The following FAM135B variants were observed in gnomAD, a reference collection of about 807,000 sequenced individuals.
FAM135B encodes protein FAM135B.
A neutral mutation model predicts 127.7 loss-of-function variants in FAM135B; 43 were observed. That is an observed-to-expected ratio of 0.34 (90% CI 0.26 to 0.43). FAM135B has a LOEUF of 0.43. Among genes scored for constraint, FAM135B ranks in the 20% least tolerant of loss-of-function variants. The pLI is 1.00. For synonymous variants in FAM135B, 670 were observed against 665.1 expected (o/e 1.01, Z -0.11); for missense variants, 1,558 against 1,725.6 (o/e 0.90, Z 1.72).
chr8:138,372,468 C>G (rs1379536775), intron 1 of FAM135B, among the ~76,000 whole-genome samples: 1 of 152,202 alleles, frequency 6.6e-6, no homozygotes, highest in East Asian at 1.9e-4. Flanking sequence ...CTGGAGAGAA[C>G]AGCCTATCTC....
chr8:138,318,688 G>A (rs920214446), intron 2 of FAM135B, among the ~76,000 whole-genome samples: 7 of 152,184 alleles, frequency 4.6e-5, no homozygotes, highest in African/African-American at 7.2e-5. Flanking sequence ...GTATAGCTAC[G>A]TCTCTTTTAT....
intron 11 of FAM135B, among the ~76,000 whole-genome samples, chr8:138,170,923 G>C (rs1820376720): frequency 6.6e-6 from 1 of 152,146 alleles, no homozygotes; most frequent in East Asian, 1.9e-4. Context: ...CTTGGGTCTG[G>C]AATGCTCTTC....
At chr8:138,258,052 C>T (rs373532023) in intron 4 of FAM135B, among the ~76,000 whole-genome samples, 7 of 152,128 alleles carry the variant, frequency 4.6e-5, no homozygotes, top group African/African-American at 1.7e-4. Context: ...GCTAAAAGCC[C>T]CTGGCTATTT....
At chr8:138,267,554 C>G (rs1437986842) in intron 3 of FAM135B, among the ~76,000 whole-genome samples, 1 of 144,154 alleles carries the variant, frequency 6.9e-6, no homozygotes, top group Non-Finnish European at 1.5e-5. Context: ...ATTAGTTTGA[C>G]TGAAATGGGA....
chr8:138,380,041 T>C (rs1831743252), intron 1 of FAM135B, among the ~76,000 whole-genome samples: 1 of 152,152 alleles, frequency 6.6e-6, no homozygotes, highest in Admixed American at 6.5e-5. Context: ...GAGCATTTCA[T>C]TTGCAGAACG....
intron 7 of FAM135B, among the ~76,000 whole-genome samples, chr8:138,210,311 T>C (rs1022670005): frequency 1.3e-5 from 2 of 152,200 alleles, no homozygotes; most frequent in Non-Finnish European, 2.9e-5. Flanking sequence ...GCTATGAGTC[T>C]CTTATTGTGA....
intron 13 of FAM135B, among the ~76,000 whole-genome samples, chr8:138,150,666 C>CAATAAATA (rs71316324): frequency 0.013 from 581 of 44,770 alleles, no homozygotes; most frequent in African/African-American, 0.033. Context: ...GACTCTGTCT[C>CAATAAATA]AATAAATAAA....
chr8:138,308,250 G>C (rs1826408411), intron 3 of FAM135B, among the ~76,000 whole-genome samples: 2 of 152,206 alleles, frequency 1.3e-5, no homozygotes, highest in Non-Finnish European at 2.9e-5. Context: ...TCCAACCAAG[G>C]GGTCAGACAC....
chr8:138,314,693 C>CAATAAAAAAATAAATAAATAAATA (rs1554662775), intron 2 of FAM135B, among the ~76,000 whole-genome samples: 77 of 120,296 alleles, frequency 6.4e-4, no homozygotes, highest in Non-Finnish European at 1.1e-3. Flanking sequence ...CCCATCCCTA[C>CAATAAAAAAATAAATAAATAAATA]AATAAATAAA....
intron 2 of FAM135B, among the ~76,000 whole-genome samples, chr8:138,329,771 A>G (rs1223264120): frequency 6.6e-6 from 1 of 152,170 alleles, no homozygotes; most frequent in East Asian, 1.9e-4. Context: ...CTGGTAAGCT[A>G]CTGCAACTTT....
intron 10 of FAM135B, among the ~76,000 whole-genome samples, chr8:138,177,817 T>C (rs1184121472): frequency 2.6e-5 from 4 of 152,246 alleles, no homozygotes; most frequent in Non-Finnish European, 5.9e-5. Context: ...GACTCTGATC[T>C]TCATATGTTT....
intron 7 of FAM135B, among the ~76,000 whole-genome samples, chr8:138,219,998 T>A (rs959964338): frequency 6.6e-6 from 1 of 151,960 alleles, no homozygotes; most frequent in Non-Finnish European, 1.5e-5. Flanking sequence ...ATTGTTCTTG[T>A]TAATATTATT....
At chr8:138,411,492 G>C (rs1000066047) in intron 1 of FAM135B, among the ~76,000 whole-genome samples, 2 of 152,004 alleles carry the variant, frequency 1.3e-5, no homozygotes, top group Admixed American at 1.3e-4. Context: ...AATTCAAGAT[G>C]GATTAAAGAC....
intron 12 of FAM135B, among the ~76,000 whole-genome samples, chr8:138,165,182 G>A (rs7830745): frequency 0.014 from 2,087 of 151,518 alleles, 38 homozygotes; most frequent in Middle Eastern, 0.058. Context: ...GTGCAATGGC[G>A]GGATCTAGGC....
At chr8:138,258,543 C>T (rs182751445) in intron 4 of FAM135B, among the ~76,000 whole-genome samples, 55 of 152,222 alleles carry the variant, frequency 3.6e-4, no homozygotes, top group African/African-American at 1.3e-3. Context: ...TTCCCAACTA[C>T]CTTCTGAGCA....
At chr8:138,486,490 A>G (rs1172858597) in intron 1 of FAM135B, among the ~76,000 whole-genome samples, 1 of 152,138 alleles carries the variant, frequency 6.6e-6, no homozygotes, top group Non-Finnish European at 1.5e-5. Context: ...TTTGGCTGCT[A>G]GCAGCCTGCA....
At chr8:138,220,751 G>C (rs1449479685) in intron 7 of FAM135B, among the ~76,000 whole-genome samples, 1 of 152,080 alleles carries the variant, frequency 6.6e-6, no homozygotes, top group Non-Finnish European at 1.5e-5. Flanking sequence ...TGTTCATATT[G>C]CCAGTGTAAA....
chr8:138,323,843 A>G (rs1339589218), intron 2 of FAM135B, among the ~76,000 whole-genome samples: 10 of 152,182 alleles, frequency 6.6e-5, no homozygotes, highest in Non-Finnish European at 1.5e-4. Flanking sequence ...AAGAGCCATT[A>G]AAAGGTAAGA....
At chr8:138,298,914 G>C (rs1825664751) in intron 3 of FAM135B, among the ~76,000 whole-genome samples, 1 of 151,896 alleles carries the variant, frequency 6.6e-6, no homozygotes, top group Non-Finnish European at 1.5e-5. Flanking sequence ...GGGTCCCTTA[G>C]AGCCATTTCA....
Sources: gnomAD v4.1 joint callset for allele counts (sites outside exome capture counted in the v4.1 genomes callset) on GRCh38, gnomAD v4.1.1 for gene constraint, MANE v1.5 for transcripts, NCBI Gene and HGNC (gene_info 2026-07-23, HGNC 2026-07-21) for gene names.